Variants in PTGIS observed in about 807,000 individuals in gnomAD.
PTGIS encodes prostacyclin synthase.
A neutral mutation model predicts 50.3 loss-of-function variants in PTGIS; 45 were observed. The observed-to-expected ratio is 0.90, with a 90% CI of 0.70 to 1.15. The LOEUF (loss-of-function observed/expected upper bound fraction) is 1.15, where lower values mean the gene tolerates loss of function less well. Ranked by LOEUF, PTGIS falls within the 50% of genes most tolerant of loss-of-function variation. PTGIS has a pLI of 0.00. For synonymous variants in PTGIS, 260 were observed against 267.7 expected (o/e 0.97, Z 0.28); for missense variants, 668 against 661.3 (o/e 1.01, Z -0.11).
In PTGIS at chr20:49,513,232, T is replaced by C. The variant is rs1322557372; in HGVS notation, c.1054A>G (p.Thr352Ala). 3 of 1,613,764 alleles carry C rather than the reference T, an allele frequency of 1.9e-6. No homozygotes were observed. The highest frequency in any genetic ancestry group is 2.5e-6 in the Non-Finnish European group (3 of 1,180,032). ...TCGCGGGTGATGAAGGGGGCAGCTG[T>C]AAGCCTGAGGCTCTCACTCAGCACG... The part of the protein sequence containing the change: ...DSVLSESLRL[T>A]AAPFITREVV... The change falls in exon 8 of 10, where the codon ACA (threonine) becomes GCA (alanine). Residue 352 changes from threonine to alanine, a missense_variant. Transcript: ENST00000244043.
chr20:49,535,407 T>TG (rs1457868085), intron 5 of PTGIS, among the ~76,000 whole-genome samples: 4 of 152,030 alleles, frequency 2.6e-5, no homozygotes, highest in African/African-American at 4.8e-5. Context: ...TACAATGAAA[T>TG]GGTATAAAAG....
At chr20:49,520,568 A>C (rs536981196) in intron 6 of PTGIS, among the ~76,000 whole-genome samples, 1 of 152,242 alleles carries the variant, frequency 6.6e-6, no homozygotes, top group African/African-American at 2.4e-5. Context: ...TCCTGATCTC[A>C]AGTTATCTGC....
At chr20:49,517,184 C>A (rs1981505594) in intron 6 of PTGIS, among the ~76,000 whole-genome samples, 1 of 152,250 alleles carries the variant, frequency 6.6e-6, no homozygotes, top group South Asian at 2.1e-4. Flanking sequence ...ACCAGCACCT[C>A]AGGTCCAGCT....
chr20:49,538,398 A>G (rs1982137344), intron 5 of PTGIS, among the ~76,000 whole-genome samples: 1 of 152,026 alleles, frequency 6.6e-6, no homozygotes, highest in African/African-American at 2.4e-5. Context: ...ACTCCGTCTC[A>G]AAAAAATTGT....
At position 49,524,113 on chromosome 20, in the gene PTGIS, C is replaced by G. The variant is rs1176245391; in HGVS notation, c.800G>C (p.Gly267Ala). ...ESYLLHLEEM[G>A]VSEEMQARAL... Reference sequence around the variant, plus strand: ...CCGTGCCTGCATCTCCTCTGACACACCCATCTCCTCCAGGTGCAGCAGGTA... The same window carrying G: ...CCGTGCCTGCATCTCCTCTGACACAGCCATCTCCTCCAGGTGCAGCAGGTA... The change falls in exon 6 of 10, where the codon GGT (glycine) becomes GCT (alanine). Residue 267 changes from glycine to alanine, a missense_variant. Transcript: ENST00000244043. 6.2e-7 allele frequency: 1 copy of G among 1,614,224 alleles called. No individual in the cohort carries two copies.
In PTGIS at chr20:49,517,683, A is replaced by C. The variant is rs1326819372; in HGVS notation, c.856-3288T>G. On this transcript the variant is annotated intron_variant, in intron 6 of 9. Coordinates refer to ENST00000244043, the MANE Select transcript of PTGIS (RefSeq NM_000961.4). ...AGTGGCTGACCTCTGGGAGGCACTG[A>C]CTGCGGGCCAGACCACACCCTTGGT... Among the ~76,000 whole-genome samples the C allele has an allele frequency of 2.6e-5, 4 of 152,262 alleles. No individual in the cohort carries two copies. In the East Asian group the frequency reaches 7.7e-4, roughly 29 times the overall value.
chr20:49,529,769 G>A (rs1981886955), intron 5 of PTGIS, among the ~76,000 whole-genome samples: 2 of 152,106 alleles, frequency 1.3e-5, no homozygotes, highest in Non-Finnish European at 2.9e-5. Flanking sequence ...TTGTGTTCAG[G>A]TAACCCTTAT....
chr20:49,508,001 A>G lies in PTGIS; in HGVS notation c.1422T>C (p.Pro474=). ...LELINADVEI[P]EFDLSRYGFG... is the part of the protein sequence containing the mutation. ...AGCCGTACCTGCTGAGGTCAAACTCAGGGATCTCCACATCTGCGTTGATCA... is the reference window on the plus strand; with the variant it reads ...AGCCGTACCTGCTGAGGTCAAACTCGGGGATCTCCACATCTGCGTTGATCA... The change falls in exon 10 of 10, where the codon CCT becomes CCC. Residue 474 remains proline (P), a synonymous_variant. Transcript: ENST00000244043. 1.2e-6 allele frequency: 2 copies of G among 1,614,032 alleles called. No homozygotes were observed. Among genetic ancestry groups the G allele is most frequent in the South Asian group, 1.1e-5 (1 of 91,080 alleles).
chr20:49,523,216 T>C (rs1038471828), intron 6 of PTGIS, among the ~76,000 whole-genome samples: 20 of 152,158 alleles, frequency 1.3e-4, no homozygotes, highest in African/African-American at 4.1e-4. Flanking sequence ...AATTGGTTAT[T>C]GTACTGTGGT....
chr20:49,567,032 TA>T (rs1228174305), intron 1 of PTGIS, among the ~76,000 whole-genome samples: 1 of 152,194 alleles, frequency 6.6e-6, no homozygotes, highest in Admixed American at 6.5e-5. Flanking sequence ...ATAAAAAGTA[TA>T]TTTTTTTAAA....
At chr20:49,549,966 G>C in intron 2 of PTGIS, 100 bp downstream of exon 2, 1 of 1,582,298 alleles carries the variant, frequency 6.3e-7, no homozygotes, top group Non-Finnish European at 8.7e-7. Flanking sequence ...GGTGGGGTGG[G>C]GGGGTTGGCA....
intron 1 of PTGIS, among the ~76,000 whole-genome samples, chr20:49,555,004 C>T (rs1982592109): frequency 6.6e-6 from 1 of 152,184 alleles, no homozygotes. Flanking sequence ...GGTGTGGTGG[C>T]TCATGCCTGT....
At chr20:49,510,719 C>T (rs1169085246) in intron 9 of PTGIS, among the ~76,000 whole-genome samples, 2 of 152,156 alleles carry the variant, frequency 1.3e-5, no homozygotes, top group Non-Finnish European at 2.9e-5. Context: ...CAGCTGCAGA[C>T]GGGTAGCTAC....
intron 6 of PTGIS, among the ~76,000 whole-genome samples, chr20:49,515,554 T>C (rs1270188552): frequency 2.0e-5 from 3 of 152,240 alleles, no homozygotes; most frequent in African/African-American, 7.2e-5. Context: ...TTAAATATCA[T>C]GTTTACCCAC....
chr20:49,552,178 T>C (rs576745830), intron 1 of PTGIS, among the ~76,000 whole-genome samples: 1 of 152,206 alleles, frequency 6.6e-6, no homozygotes, highest in East Asian at 1.9e-4. Context: ...TTAACTAAAA[T>C]AGCTATTACT....
intron 6 of PTGIS, among the ~76,000 whole-genome samples, chr20:49,522,698 A>G (rs898379677): frequency 1.3e-5 from 2 of 152,234 alleles, no homozygotes; most frequent in Admixed American, 1.3e-4. Context: ...AAATGTAATG[A>G]GAAACAATGA....
chr20:49,543,714 G>A (rs1260491304), intron 4 of PTGIS, among the ~76,000 whole-genome samples: 1 of 152,100 alleles, frequency 6.6e-6, no homozygotes, highest in Non-Finnish European at 1.5e-5. Context: ...TCGTCAGTCG[G>A]CCTAAGAAAG....
At chr20:49,511,279 G>A in intron 8 of PTGIS, 100 bp from the exon 9 acceptor site, 4 of 1,393,828 alleles carry the variant, frequency 2.9e-6, no homozygotes, top group South Asian at 2.4e-5. Context: ...TTTATAAGAG[G>A]GAAAAACTGG....
At chr20:49,533,876 G>T (rs574362515) in intron 5 of PTGIS, among the ~76,000 whole-genome samples, 1 of 152,224 alleles carries the variant, frequency 6.6e-6, no homozygotes, top group East Asian at 1.9e-4. Context: ...CAGGAGAATT[G>T]CTTGAACCTG....
Sources: gnomAD v4.1 joint callset for allele counts (sites outside exome capture counted in the v4.1 genomes callset) on GRCh38, gnomAD v4.1.1 for gene constraint, MANE v1.5 for transcripts, NCBI Gene and HGNC (gene_info 2026-07-23, HGNC 2026-07-21) for gene names.